Variants in LYSMD3 observed in about 807,000 individuals in gnomAD.
The protein encoded by LYSMD3 is lysM and putative peptidoglycan-binding domain-containing protein 3.
LYSMD3 carries 13 observed loss-of-function variants against 26.1 expected under a neutral mutation model. The ratio of observed to expected loss-of-function variants is 0.50; its 90% CI spans 0.32 to 0.79. The LOEUF (loss-of-function observed/expected upper bound fraction) is 0.79, where lower values mean the gene tolerates loss of function less well. Ranked by LOEUF, LYSMD3 falls within the 30% of genes least tolerant of loss-of-function variation. The pLI, the probability that LYSMD3 is intolerant of heterozygous loss-of-function variation, is 0.03. For synonymous variants in LYSMD3, 109 were observed against 119.4 expected (o/e 0.91, Z 0.57); for missense variants, 331 against 362.5 (o/e 0.91, Z 0.71).
Position 90,525,202 on chromosome 5 carries a change from T to G in LYSMD3, c.88A>C (p.Ser30Arg), listed in dbSNP as rs1247145785. The change falls in exon 2 of 3, where the codon AGT becomes CGT. Residue 30 changes from serine (S) to arginine (R), a missense_variant. By Grantham distance (110) the Ser-to-Arg change is moderately radical. Transcript: ENST00000315948. ...TCAGCATCCTCCTCCAAAATATCACTGTCTGAACAATTTCCAAATGCATGT... is the reference window on the plus strand; with the variant it reads ...TCAGCATCCTCCTCCAAAATATCACGGTCTGAACAATTTCCAAATGCATGT... ...QVHAFGNCSD[S>R]DILEEDAEVY... 1.2e-6 allele frequency: 2 copies of G among 1,614,096 alleles called. No homozygotes were observed. The highest frequency in any genetic ancestry group is 1.7e-6 in the Non-Finnish European group (2 of 1,180,010).
chr5:90,527,646 T>G (rs201957543), intron 1 of LYSMD3, among the ~76,000 whole-genome samples: 8,578 of 152,268 alleles, frequency 0.056, 296 homozygotes, highest in South Asian at 0.14. Context: ...ATAAGTTGAA[T>G]ATGAAACACA....
Position 90,525,509 on chromosome 5 carries a change from G to A in LYSMD3, c.-11-209C>T, listed in dbSNP as rs981978648. Among the ~76,000 whole-genome samples the A allele has an allele frequency of 3.3e-5, 5 of 152,300 alleles. No individual in the cohort carries two copies. The South Asian group carries it at 1.0e-3, about 32-fold the overall frequency. ...CTGTCACCCAGGCTGGAGTGCAGTA[G>A]TGCGATCTCAGCTCACTGCAACCTT... is the stretch of plus-strand genomic sequence containing the variant. On this transcript the variant is annotated intron_variant, in intron 1 of 2. Coordinates refer to ENST00000315948, the MANE Select transcript of LYSMD3 (RefSeq NM_198273.2).
intron 1 of LYSMD3, among the ~76,000 whole-genome samples, chr5:90,527,952 T>C (rs535401736): frequency 2.0e-5 from 3 of 152,352 alleles, no homozygotes; most frequent in East Asian, 1.9e-4. Flanking sequence ...ATATGTTAAG[T>C]AGATTATTTC....
chr5:90,528,934 C>A (rs965127269), intron 1 of LYSMD3, among the ~76,000 whole-genome samples: 10 of 152,172 alleles, frequency 6.6e-5, no homozygotes, highest in Non-Finnish European at 1.5e-4. Flanking sequence ...TCACAGGGCA[C>A]AAGTTAAAGC....
intron 2 of LYSMD3, among the ~76,000 whole-genome samples, chr5:90,522,733 A>T (rs888574878): frequency 6.6e-6 from 1 of 152,078 alleles, no homozygotes; most frequent in Non-Finnish European, 1.5e-5. Context: ...TACTGTATGG[A>T]TCAAACTTTT....
rs747454666 is a variant in LYSMD3, at chr5:90,519,443, T to G, written c.297A>C (p.Gln99His). The G allele has an allele frequency of 8.7e-6, 14 of 1,613,672 alleles. No individual in the cohort carries two copies. The highest frequency in any genetic ancestry group is 3.3e-4 in the Middle Eastern group (2 of 6,060). Reference protein sequence around the residue: ...IKRVNNLISDQDFFALRSIKI... With the variant: ...IKRVNNLISDHDFFALRSIKI... Reference sequence around the variant, plus strand: ...TGATAGACCTAAGGGCAAAAAAGTCTTGATCACTGATGAGATTGTTAACTC... The same window carrying G: ...TGATAGACCTAAGGGCAAAAAAGTCGTGATCACTGATGAGATTGTTAACTC... Residue 99 changes from glutamine to histidine, a missense_variant, in exon 3 of 3, where the codon CAA becomes CAC. Physicochemically the swap from Gln to His is conservative, Grantham distance 24 (BLOSUM62 0). This residue lies in a region of LYSMD3 where 262 missense variants were observed against 267.3 expected (regional missense o/e 0.98). Coordinates refer to ENST00000315948, the MANE Select transcript of LYSMD3 (RefSeq NM_198273.2).
intron 1 of LYSMD3, among the ~76,000 whole-genome samples, chr5:90,528,972 T>C (rs1753291560): frequency 6.6e-6 from 1 of 152,210 alleles, no homozygotes; most frequent in African/African-American, 2.4e-5. Context: ...AAAGGCACCC[T>C]ATCCGCTGCC....
rs1753029673 is a variant in LYSMD3, at chr5:90,519,303, G to C, written c.437C>G (p.Pro146Arg). 6.2e-7 allele frequency: 1 copy of C among 1,613,974 alleles called. No homozygotes were observed. Among genetic ancestry groups the C allele is most frequent in the Admixed American group, 1.7e-5 (1 of 60,008 alleles). ...QYSSEQQEIL[P>R]ANDSLAYSDS... is the part of the protein sequence containing the mutation. Reference sequence around the variant, plus strand: ...ACTGTAAGCAAGAGAATCATTAGCTGGCAAAATTTCCTGTTGTTCGGAAGA... The same window carrying C: ...ACTGTAAGCAAGAGAATCATTAGCTCGCAAAATTTCCTGTTGTTCGGAAGA... Residue 146 changes from proline to arginine, a missense_variant, in exon 3 of 3, where the codon CCA (proline) becomes CGA (arginine). Pro to Arg is a moderately radical substitution (Grantham distance 103). Coordinates refer to ENST00000315948, the MANE Select transcript of LYSMD3 (RefSeq NM_198273.2).
chr5:90,522,706 T>A (rs1338660455), intron 2 of LYSMD3, among the ~76,000 whole-genome samples: 1 of 152,220 alleles, frequency 6.6e-6, no homozygotes, highest in Non-Finnish European at 1.5e-5. Context: ...GTTAAAACCT[T>A]ACAATATTTG....
rs1329763604 is a variant in LYSMD3 at position 90,529,464 on chromosome 5, G to A, written c.-28C>T. The A allele has an allele frequency of 2.2e-6, 1 of 456,640 alleles. No individual in the cohort carries two copies. Among genetic ancestry groups the A allele is most frequent in the Non-Finnish European group, 4.4e-6 (1 of 226,958 alleles). 28.3% of individuals were successfully genotyped at this position (456,640 alleles called of 1,614,324 possible). The stretch of plus-strand genomic sequence containing the variant: ...CATCTTTACCTGTCCCCGTTAGCAG[G>A]GAGCACTCTGCGAGAAGATGGCCAA... On this transcript the variant is annotated 5_prime_UTR_variant, in exon 1 of 3. Coordinates refer to ENST00000315948, the MANE Select transcript of LYSMD3 (RefSeq NM_198273.2).
rs1400416739 is a variant in LYSMD3, at chr5:90,517,638, T to C, written c.*1181A>G. ...GCCTTTGTTTCCCAATTTGATGCTA[T>C]ATATAGAGATCAGGAAAAAAGTCTA... On this transcript the variant is annotated 3_prime_UTR_variant, in exon 3 of 3. Coordinates refer to ENST00000315948, the MANE Select transcript of LYSMD3 (RefSeq NM_198273.2). The C allele has an allele frequency of 1.3e-5, 2 of 152,070 alleles. No homozygotes were observed. The highest frequency in any genetic ancestry group is 2.9e-5 in the Non-Finnish European group (2 of 67,930). 9.4% of individuals were successfully genotyped at this position (152,070 alleles called of 1,614,324 possible).
intron 1 of LYSMD3, among the ~76,000 whole-genome samples, chr5:90,527,643 G>T (rs943972368): frequency 6.6e-6 from 1 of 151,874 alleles, no homozygotes. Context: ...TGTATAAGTT[G>T]AATATGAAAC....
rs1350480932 is a variant in LYSMD3 at position 90,517,961 on chromosome 5, G to C, written c.*858C>G. On this transcript the variant is annotated 3_prime_UTR_variant, in exon 3 of 3. Transcript: ENST00000315948. The stretch of plus-strand genomic sequence containing the variant: ...TTAAATGTAATTAAGGCATGTTACT[G>C]TATGTAACAGCAATGATTTATCACA... 6.6e-6 allele frequency: 1 copy of C among 152,472 alleles called. No homozygotes were observed. Among genetic ancestry groups the C allele is most frequent in the Non-Finnish European group, 1.5e-5 (1 of 67,960 alleles). The allele number at this position is 152,472 out of a possible 1,614,324, so 9.4% of individuals were successfully genotyped here. A position where few individuals can be genotyped will look rare whatever the true frequency, so the allele number is the denominator to read the frequency against.
At position 90,529,443 on chromosome 5, in the gene LYSMD3, T is replaced by C. The variant is rs754314771; in HGVS notation, c.-12+5A>G. On this transcript the variant is annotated splice_donor_5th_base_variant and intron_variant, in intron 1 of 2. Transcript: ENST00000315948. ...GCTACCCTCACCTCCTGCCACCATC[T>C]TTACCTGTCCCCGTTAGCAGGGAGC... The C allele has an allele frequency of 5.7e-5, 26 of 456,530 alleles. 1 individual carries two copies. Among genetic ancestry groups the C allele is most frequent in the South Asian group, 3.9e-4 (25 of 64,562 alleles). 28.3% of individuals were successfully genotyped at this position (456,530 alleles called of 1,614,324 possible). A position where few individuals can be genotyped will look rare whatever the true frequency, so the allele number is the denominator to read the frequency against.
At chr5:90,524,995 T>C (rs771858337) in intron 2 of LYSMD3, 40 bp downstream of exon 2, 3 of 1,463,818 alleles carry the variant, frequency 2.0e-6, no homozygotes, top group Non-Finnish European at 2.8e-6. Context: ...CGTAAACAAA[T>C]AATTTCTTCT....
intron 1 of LYSMD3, among the ~76,000 whole-genome samples, chr5:90,525,509 G>C (rs981978648): frequency 3.9e-5 from 6 of 152,300 alleles, no homozygotes; most frequent in African/African-American, 1.4e-4. Flanking sequence ...GAGTGCAGTA[G>C]TGCGATCTCA....
Position 90,515,939 on chromosome 5 carries a change from TA to T in LYSMD3, c.*2879del, listed in dbSNP as rs1015446233. ...CAGTGCACCATTTAAATACAGACTT[TA>T]AAAAACTCCACCTTTACCCTGTAAC... On this transcript the variant is annotated 3_prime_UTR_variant, in exon 3 of 3. Transcript: ENST00000315948. 6.6e-6 allele frequency: 1 copy of T among 152,124 alleles called. No homozygotes were observed. The highest frequency in any genetic ancestry group is 2.4e-5 in the African/African-American group (1 of 41,452). The allele number at this position is 152,124 out of a possible 1,614,324, so 9.4% of individuals were successfully genotyped here.
chr5:90,527,571 C>T (rs1753255096), intron 1 of LYSMD3, among the ~76,000 whole-genome samples: 1 of 152,152 alleles, frequency 6.6e-6, no homozygotes, highest in Admixed American at 6.5e-5. Context: ...CTTTTACCTG[C>T]TGATGGTTCC....
Position 90,515,970 on chromosome 5 carries a change from ACTAGATC to A in LYSMD3, c.*2842_*2848del, listed in dbSNP as rs1171214283. 2 of 152,152 alleles carry A rather than the reference ACTAGATC, an allele frequency of 1.3e-5. No individual in the cohort carries two copies. The highest frequency in any genetic ancestry group is 2.9e-5 in the Non-Finnish European group (2 of 67,994). The allele number at this position is 152,152 out of a possible 1,614,324, so 9.4% of individuals were successfully genotyped here. A position where few individuals can be genotyped will look rare whatever the true frequency, so the allele number is the denominator to read the frequency against. ...ACTCCACCTTTACCCTGTAACACTG[ACTAGATC>A]CTTGCTTCATGATATTTCTAAAACT... On this transcript the variant is annotated 3_prime_UTR_variant, in exon 3 of 3. Transcript: ENST00000315948.
Sources: gnomAD v4.1 joint callset for allele counts (sites outside exome capture counted in the v4.1 genomes callset) on GRCh38, gnomAD v4.1.1 for gene constraint, gnomAD v4.1.1 regional missense constraint, MANE v1.5 for transcripts, NCBI Gene and HGNC (gene_info 2026-07-23, HGNC 2026-07-21) for gene names.